DISC1: variants seen among roughly 807,000 people sequenced by gnomAD.
DISC1 encodes the protein disrupted in schizophrenia 1 protein.
A neutral mutation model predicts 84.5 loss-of-function variants in DISC1; 57 were observed. The observed-to-expected ratio is 0.67, with a 90% CI of 0.55 to 0.84. The LOEUF is 0.84. Among genes scored for constraint, DISC1 ranks in the 40% least tolerant of loss-of-function variants. DISC1 has a pLI of 0.00. For missense variants in DISC1, 1,000 were observed against 1,057.8 expected (o/e 0.95, Z 0.76); for synonymous variants, 411 against 415.2 (o/e 0.99, Z 0.12).
intron 1 of DISC1, among the ~76,000 whole-genome samples, chr1:231,678,935 C>T (rs950934797): frequency 1.3e-5 from 2 of 152,234 alleles, no homozygotes; most frequent in Non-Finnish European, 2.9e-5. Flanking sequence ...CTCAGCCTCC[C>T]AAAGTGCTGG....
In DISC1 at chr1:231,929,714, G is replaced by A. The variant is rs188841775; in HGVS notation, c.1982-29114G>A. On this transcript the variant is annotated intron_variant, in intron 9 of 12. Transcript: ENST00000439617. ...CCCACTGTGGCTCAAGGAGTTTAGG[G>A]GACAGAAAAGGGGCTTTTGAAGGAT... 9.2e-5 allele frequency among the ~76,000 whole-genome samples: 14 copies of A among 152,258 alleles called. No individual in the cohort carries two copies. In the East Asian group the frequency reaches 2.5e-3, roughly 27 times the overall value.
At chr1:231,980,803 C>T (rs1663484916) in intron 10 of DISC1, among the ~76,000 whole-genome samples, 1 of 152,136 alleles carries the variant, frequency 6.6e-6, no homozygotes, top group Non-Finnish European at 1.5e-5. Context: ...TTCTTACTTT[C>T]CTGGGGTCCT....
At chr1:231,902,812 T>A (rs1571930932) in intron 9 of DISC1, among the ~76,000 whole-genome samples, 1 of 152,290 alleles carries the variant, frequency 6.6e-6, no homozygotes, top group Middle Eastern at 3.4e-3. Flanking sequence ...CGATCTGAAA[T>A]GCTCCAAAGT....
intron 10 of DISC1, among the ~76,000 whole-genome samples, chr1:231,967,513 G>A (rs2043746466): frequency 2.0e-5 from 3 of 152,224 alleles, no homozygotes; most frequent in Middle Eastern, 3.4e-3. Context: ...ACTGATGAGT[G>A]CACACAGTTT....
At chr1:231,700,014 G>A (rs551009583) in intron 2 of DISC1, among the ~76,000 whole-genome samples, 1 of 152,082 alleles carries the variant, frequency 6.6e-6, no homozygotes, top group Non-Finnish European at 1.5e-5. Flanking sequence ...AGACAGCCTC[G>A]TGGTTCACTC....
At chr1:231,733,113 A>ATG (rs2071802140) in intron 3 of DISC1, among the ~76,000 whole-genome samples, 1 of 7,408 alleles carries the variant, frequency 1.3e-4, no homozygotes, top group Non-Finnish European at 2.8e-4. Flanking sequence ...TGATGGTGGT[A>ATG]GTGGTAGGAG....
At chr1:231,823,933 A>C (rs1473285506) in intron 9 of DISC1, among the ~76,000 whole-genome samples, 1 of 151,642 alleles carries the variant, frequency 6.6e-6, no homozygotes, top group Non-Finnish European at 1.5e-5. Context: ...TAAAGGGGTC[A>C]TTCTAAGAGT....
intron 1 of DISC1, among the ~76,000 whole-genome samples, chr1:231,657,757 T>C (rs2061235608): frequency 6.6e-6 from 1 of 152,214 alleles, no homozygotes; most frequent in Non-Finnish European, 1.5e-5. Context: ...CCATTGCTTG[T>C]TTTTGTCTAG....
At chr1:231,972,431 CTG>C (rs1232431372) in intron 10 of DISC1, among the ~76,000 whole-genome samples, 1 of 152,162 alleles carries the variant, frequency 6.6e-6, no homozygotes, top group Non-Finnish European at 1.5e-5. Flanking sequence ...TCAAGTGTAA[CTG>C]TATGATTTCG....
intron 3 of DISC1, among the ~76,000 whole-genome samples, chr1:231,737,188 A>G (rs1011106846): frequency 1.3e-5 from 2 of 152,244 alleles, no homozygotes; most frequent in Non-Finnish European, 2.9e-5. Flanking sequence ...CTGAGGTCCT[A>G]CAAGTAAAAC....
intron 10 of DISC1, among the ~76,000 whole-genome samples, chr1:231,966,176 G>A (rs1661091111): frequency 6.6e-6 from 1 of 151,434 alleles, no homozygotes; most frequent in Non-Finnish European, 1.5e-5. Context: ...ATTACATTCA[G>A]AAAGTCAAGG....
chr1:231,819,809 T>C (rs1335161577), intron 9 of DISC1, among the ~76,000 whole-genome samples: 1 of 152,184 alleles, frequency 6.6e-6, no homozygotes, highest in Non-Finnish European at 1.5e-5. Context: ...TTTCACCACA[T>C]AGTTTTTTGT....
At chr1:231,873,616 G>A (rs1218999013) in intron 9 of DISC1, among the ~76,000 whole-genome samples, 2 of 152,188 alleles carry the variant, frequency 1.3e-5, no homozygotes, top group Non-Finnish European at 1.5e-5. Context: ...GGCAGGTTAG[G>A]AATATCCTTA....
chr1:231,649,052 C>G (rs2125263961), intron 1 of DISC1, among the ~76,000 whole-genome samples: 1 of 152,222 alleles, frequency 6.6e-6, no homozygotes, highest in Admixed American at 6.5e-5. Context: ...TTGTCTCTAT[C>G]TCCTTCAGTT....
chr1:231,649,315 C>T (rs992039784), intron 1 of DISC1, among the ~76,000 whole-genome samples: 25 of 152,178 alleles, frequency 1.6e-4, no homozygotes, highest in Non-Finnish European at 8.8e-5. Flanking sequence ...TTGTTATTTA[C>T]CCAGTAGTCA....
chr1:231,719,546 A>AT (rs1227465983), intron 3 of DISC1, among the ~76,000 whole-genome samples: 2 of 152,094 alleles, frequency 1.3e-5, no homozygotes, highest in East Asian at 3.8e-4. Context: ...TCTAAGCTTT[A>AT]TTTTTTCTAT....
intron 11 of DISC1, among the ~76,000 whole-genome samples, chr1:232,022,064 C>T (rs1312773244): frequency 1.3e-5 from 2 of 152,180 alleles, no homozygotes; most frequent in Non-Finnish European, 2.9e-5. Flanking sequence ...CAGGCAGTGT[C>T]ACCTTCACTA....
intron 9 of DISC1, among the ~76,000 whole-genome samples, chr1:231,841,080 A>G (rs2083020309): frequency 6.6e-6 from 1 of 152,204 alleles, no homozygotes; most frequent in African/African-American, 2.4e-5. Flanking sequence ...ACTAATTTTG[A>G]GGCCTGACAT....
Position 231,694,748 on chromosome 1 carries a change from C to T in DISC1, c.990C>T (p.Leu330=), listed in dbSNP as rs557511436. The T allele has an allele frequency of 2.9e-5, 47 of 1,613,994 alleles. No individual in the cohort carries two copies. The highest frequency in any genetic ancestry group is 6.8e-6 in the Non-Finnish European group (8 of 1,180,060). ...ATGCCCACTCTTGGGACACCCTGCT[C>T]AGGAAATGGGAGCCAGTGCTGCGGG... is the stretch of plus-strand genomic sequence containing the variant. The part of the protein sequence containing the change: ...SGDAHSWDTL[L]RKWEPVLRDC... The change falls in exon 2 of 13, where the codon CTC becomes CTT. Residue 330 remains leucine, a synonymous_variant. Transcript: ENST00000439617.
Sources: gnomAD v4.1 joint callset for allele counts (sites outside exome capture counted in the v4.1 genomes callset) on GRCh38, gnomAD v4.1.1 for gene constraint, MANE v1.5 for transcripts, NCBI Gene and HGNC (gene_info 2026-07-23, HGNC 2026-07-21) for gene names.